Variants in CSMD1 observed in about 807,000 individuals in gnomAD.
The protein encoded by CSMD1 is CUB and sushi domain-containing protein 1.
In CSMD1, 213 loss-of-function variants were observed where a neutral mutation model predicts 417.5. That is an observed-to-expected ratio of 0.51 (90% CI 0.46 to 0.57). CSMD1 has a LOEUF of 0.57. CSMD1 is among the 20% of genes least tolerant of loss of function. The pLI is 0.00. For missense variants in CSMD1, 6,923 were observed against 4,529.7 expected (o/e 1.53, Z -15.17); for synonymous variants, 2,862 against 1,736.8 (o/e 1.65, Z -16.11).
In CSMD1 at chr8:3,838,641, A is replaced by G. The variant is rs1802869111; in HGVS notation, c.819-84599T>C. Among the ~76,000 whole-genome samples the G allele has an allele frequency of 2.4e-5, 3 of 123,176 alleles. No individual in the cohort carries two copies. In the South Asian group the frequency reaches 6.9e-4, roughly 28 times the overall value. 80.8% of individuals were successfully genotyped at this position (123,176 alleles called of 152,430 possible). ...TAAATAAATTAATATATAATAAATT[A>G]ATATTATATAGTATAATATATAATA... On this transcript the variant is annotated intron_variant, in intron 5 of 69. Coordinates refer to ENST00000635120, the MANE Select transcript of CSMD1 (RefSeq NM_033225.6).
chr8:3,916,775 G>A, intron 5 of CSMD1, among the ~76,000 whole-genome samples: 1 of 152,064 alleles, frequency 6.6e-6, no homozygotes. Flanking sequence ...AAAAATAATT[G>A]AGTGGCTCAA....
At chr8:3,350,261 T>A (rs186708610) in intron 21 of CSMD1, among the ~76,000 whole-genome samples, 1 of 139,018 alleles carries the variant, frequency 7.2e-6, no homozygotes, top group African/African-American at 2.5e-5. Context: ...ATAATACCTA[T>A]AATAACCTAT....
intron 5 of CSMD1, among the ~76,000 whole-genome samples, chr8:3,959,276 G>C (rs955373475): frequency 2.6e-5 from 4 of 152,200 alleles, no homozygotes; most frequent in Admixed American, 6.5e-5. Context: ...AAGGCAGGAG[G>C]ACTTGAGGCC....
intron 3 of CSMD1, among the ~76,000 whole-genome samples, chr8:4,386,447 C>T (rs956790741): frequency 6.6e-6 from 1 of 152,234 alleles, no homozygotes; most frequent in Non-Finnish European, 1.5e-5. Flanking sequence ...CAGACATTCT[C>T]CTCTCTTTAC....
At chr8:3,889,452 C>CATATAT (rs1171842639) in intron 5 of CSMD1, among the ~76,000 whole-genome samples, 191 of 45,366 alleles carry the variant, frequency 4.2e-3, no homozygotes, top group African/African-American at 0.01. Context: ...CTGATCTTTC[C>CATATAT]ATATATATAT....
chr8:4,929,414 G>A (rs922180427), intron 1 of CSMD1, among the ~76,000 whole-genome samples: 1 of 152,138 alleles, frequency 6.6e-6, no homozygotes, highest in Admixed American at 6.5e-5. Flanking sequence ...AGATATTCAA[G>A]AAATAGGCAT....
intron 12 of CSMD1, among the ~76,000 whole-genome samples, chr8:3,417,817 G>A (rs1428189109): frequency 6.6e-6 from 1 of 150,674 alleles, no homozygotes; most frequent in Non-Finnish European, 1.5e-5. Context: ...ATAAATGGAA[G>A]TCTACAGACC....
intron 3 of CSMD1, among the ~76,000 whole-genome samples, chr8:4,226,242 T>G (rs1465255123): frequency 6.6e-6 from 1 of 152,148 alleles, no homozygotes; most frequent in East Asian, 1.9e-4. Flanking sequence ...AAACAAAAAG[T>G]AAAATAGTGT....
intron 1 of CSMD1, among the ~76,000 whole-genome samples, chr8:4,754,032 A>G (rs1010760653): frequency 6.6e-6 from 1 of 152,218 alleles, no homozygotes; most frequent in East Asian, 1.9e-4. Context: ...GAAGGTTGTT[A>G]ACATTGACAT....
chr8:3,920,369 G>C (rs1214413203), intron 5 of CSMD1, among the ~76,000 whole-genome samples: 1 of 151,934 alleles, frequency 6.6e-6, no homozygotes, highest in Non-Finnish European at 1.5e-5. Context: ...TTGTGTGTGT[G>C]TGTGTTTATG....
At chr8:4,003,285 C>A (rs1354442705) in intron 4 of CSMD1, among the ~76,000 whole-genome samples, 1 of 151,964 alleles carries the variant, frequency 6.6e-6, no homozygotes, top group Non-Finnish European at 1.5e-5. Context: ...CCCAGCTACT[C>A]GCGAGGCTGA....
intron 1 of CSMD1, among the ~76,000 whole-genome samples, chr8:4,877,629 A>G (rs1166560470): frequency 6.6e-6 from 1 of 151,996 alleles, no homozygotes; most frequent in African/African-American, 2.4e-5. Context: ...CTAATCCTAT[A>G]TTTCCAAGTC....
intron 3 of CSMD1, among the ~76,000 whole-genome samples, chr8:4,058,242 T>G (rs1010936763): frequency 6.6e-6 from 1 of 152,066 alleles, no homozygotes; most frequent in African/African-American, 2.4e-5. Flanking sequence ...CTTGAAGAGG[T>G]CCTTCACATC....
chr8:4,190,296 C>G (rs538420999), intron 3 of CSMD1, among the ~76,000 whole-genome samples: 1 of 148,500 alleles, frequency 6.7e-6, no homozygotes, highest in African/African-American at 2.5e-5. Flanking sequence ...TGGGTCTGGT[C>G]TAGTTTTACT....
At chr8:3,779,677 A>G (rs1799073134) in intron 5 of CSMD1, among the ~76,000 whole-genome samples, 1 of 152,238 alleles carries the variant, frequency 6.6e-6, no homozygotes, top group Non-Finnish European at 1.5e-5. Flanking sequence ...CATTTAAAAT[A>G]TAGAAAACCA....
intron 37 of CSMD1, among the ~76,000 whole-genome samples, chr8:3,170,172 T>C (rs777302282): frequency 1.3e-5 from 2 of 152,218 alleles, no homozygotes; most frequent in African/African-American, 2.4e-5. Context: ...TGAGTGCTCA[T>C]TTTTCTTTAC....
intron 3 of CSMD1, among the ~76,000 whole-genome samples, chr8:4,329,407 G>A (rs933774155): frequency 6.6e-6 from 1 of 152,024 alleles, no homozygotes; most frequent in Non-Finnish European, 1.5e-5. Context: ...TCCCACCGCA[G>A]CCTCCCGGGT....
At chr8:4,292,918 G>A (rs896824525) in intron 3 of CSMD1, among the ~76,000 whole-genome samples, 6 of 152,142 alleles carry the variant, frequency 3.9e-5, no homozygotes, top group African/African-American at 1.2e-4. Context: ...GCAAATTCAT[G>A]GATAGTATTA....
At chr8:4,319,209 G>A in intron 3 of CSMD1, among the ~76,000 whole-genome samples, 1 of 152,226 alleles carries the variant, frequency 6.6e-6, no homozygotes, top group Non-Finnish European at 1.5e-5. Context: ...TACAGATTTT[G>A]ATGAAAAGTG....
Sources: allele counts gnomAD v4.1 joint callset (sites outside exome capture counted in the v4.1 genomes callset), GRCh38; gene constraint gnomAD v4.1.1; transcripts MANE v1.5; gene names NCBI Gene and HGNC (gene_info 2026-07-23, HGNC 2026-07-21).